The following ZCCHC24 variants were observed in gnomAD, a reference collection of about 807,000 sequenced individuals.
ZCCHC24 encodes zinc finger CCHC domain-containing protein 24.
Under a neutral mutation model 26.2 loss-of-function variants are expected in ZCCHC24, and 10 were observed. The observed-to-expected ratio is 0.38, with a 90% CI of 0.24 to 0.65. ZCCHC24 has a LOEUF of 0.65. ZCCHC24 is among the 30% of genes least tolerant of loss of function. The pLI, the probability that ZCCHC24 is intolerant of heterozygous loss-of-function variation, is 0.54. For synonymous variants in ZCCHC24, 144 were observed against 147.1 expected (o/e 0.98, Z 0.15); for missense variants, 243 against 329.1 (o/e 0.74, Z 2.03).
chr10:79,394,757 G>A, intron 2 of ZCCHC24: 13 of 598,706 alleles, frequency 2.2e-5, no homozygotes, highest in Non-Finnish European at 2.7e-5. Context: ...GTCATCAAGG[G>A]CAGCTGGTCT....
intron 2 of ZCCHC24, 174 bp from the exon 3 acceptor site, chr10:79,394,614 G>T: frequency 1.0e-6 from 1 of 985,450 alleles, no homozygotes; most frequent in Non-Finnish European, 1.2e-6. Flanking sequence ...ACGGGAATCC[G>T]AAGGCTGGGA....
At chr10:79,388,380 C>T (rs1856428721) in intron 3 of ZCCHC24, among the ~76,000 whole-genome samples, 1 of 152,196 alleles carries the variant, frequency 6.6e-6, no homozygotes, top group South Asian at 2.1e-4. Flanking sequence ...TCCAACAGCT[C>T]CTCCATCTGG....
At chr10:79,387,439 G>A (rs1359322533) in intron 3 of ZCCHC24, among the ~76,000 whole-genome samples, 6 of 152,330 alleles carry the variant, frequency 3.9e-5, no homozygotes, top group Non-Finnish European at 8.8e-5. Flanking sequence ...CAAAGCTGGC[G>A]AAGACTTGTT....
chr10:79,415,704 C>T (rs1018054825), intron 2 of ZCCHC24, among the ~76,000 whole-genome samples: 1 of 152,170 alleles, frequency 6.6e-6, no homozygotes. Flanking sequence ...CAAATGGTCT[C>T]ATCAGAGGTT....
chr10:79,403,946 T>C (rs1317038030), intron 2 of ZCCHC24, among the ~76,000 whole-genome samples: 1 of 150,010 alleles, frequency 6.7e-6, no homozygotes, highest in East Asian at 2.0e-4. Context: ...GACAGAGAGA[T>C]GAGGGAGAGA....
chr10:79,428,538 A>C, intron 2 of ZCCHC24, among the ~76,000 whole-genome samples: 2 of 152,148 alleles, frequency 1.3e-5, no homozygotes, highest in African/African-American at 4.8e-5. Context: ...CAACGATGTG[A>C]ATGTATTTAA....
chr10:79,429,553 C>T (rs1434749992), intron 2 of ZCCHC24, among the ~76,000 whole-genome samples: 5 of 152,004 alleles, frequency 3.3e-5, no homozygotes, highest in Non-Finnish European at 5.9e-5. Flanking sequence ...TGCACTCCAG[C>T]CTGGGCAACA....
chr10:79,443,986 G>C, intron 1 of ZCCHC24: 2 of 1,295,488 alleles, frequency 1.5e-6, no homozygotes, highest in Non-Finnish European at 2.0e-6. Flanking sequence ...AGTAAATAAT[G>C]GCAGAGTTGA....
chr10:79,409,938 G>A (rs928244348), intron 2 of ZCCHC24, among the ~76,000 whole-genome samples: 3 of 152,176 alleles, frequency 2.0e-5, no homozygotes, highest in African/African-American at 7.2e-5. Flanking sequence ...GGGAGGAGGC[G>A]GGAGAAGGGA....
chr10:79,435,437 C>T (rs1857202528), intron 1 of ZCCHC24, among the ~76,000 whole-genome samples: 1 of 152,162 alleles, frequency 6.6e-6, no homozygotes, highest in Non-Finnish European at 1.5e-5. Context: ...AGCGGGTGCC[C>T]TCTCCTTGGC....
intron 2 of ZCCHC24, among the ~76,000 whole-genome samples, chr10:79,411,813 G>T (rs1856797862): frequency 6.6e-6 from 1 of 152,060 alleles, no homozygotes; most frequent in Non-Finnish European, 1.5e-5. Context: ...CCCTCCTGGA[G>T]GTGCCATGCT....
intron 1 of ZCCHC24, among the ~76,000 whole-genome samples, chr10:79,441,598 T>C (rs997007246): frequency 1.3e-5 from 2 of 152,048 alleles, no homozygotes; most frequent in Non-Finnish European, 2.9e-5. Flanking sequence ...GTGGGAACTG[T>C]CAAGCTGAAG....
At chr10:79,423,440 A>T (rs551668866) in intron 2 of ZCCHC24, among the ~76,000 whole-genome samples, 22 of 150,312 alleles carry the variant, frequency 1.5e-4, no homozygotes, top group African/African-American at 4.7e-4. Flanking sequence ...AATCCCAGCT[A>T]CTCGGGAGGC....
intron 1 of ZCCHC24, among the ~76,000 whole-genome samples, chr10:79,435,225 A>AT (rs1227299279): frequency 7.2e-6 from 1 of 138,690 alleles, no homozygotes; most frequent in Middle Eastern, 3.5e-3. Context: ...TTTTATTTTT[A>AT]TTTTTTTTCC....
At chr10:79,415,354 C>T (rs941871) in intron 2 of ZCCHC24, among the ~76,000 whole-genome samples, 145,717 of 152,252 alleles carry the variant, frequency 0.96, 69,757 homozygotes, top group East Asian at 1. Flanking sequence ...CAGGGCAGGA[C>T]GGTGGGCAGA....
intron 2 of ZCCHC24, among the ~76,000 whole-genome samples, chr10:79,427,039 T>C (rs1857037478): frequency 6.6e-6 from 1 of 151,874 alleles, no homozygotes; most frequent in South Asian, 2.1e-4. Flanking sequence ...AAGCTAGGTA[T>C]ACTAATATCA....
At chr10:79,394,139 C>T in intron 3 of ZCCHC24, 137 bp downstream of exon 3, 2 of 1,243,370 alleles carry the variant, frequency 1.6e-6, no homozygotes, top group Non-Finnish European at 2.2e-6. Context: ...CCCTTCCCTC[C>T]CATTTCAGAT....
At chr10:79,405,656 CT>C (rs2132189194) in intron 2 of ZCCHC24, among the ~76,000 whole-genome samples, 1 of 152,362 alleles carries the variant, frequency 6.6e-6, no homozygotes, top group East Asian at 1.9e-4. Flanking sequence ...CCAGCCCAGC[CT>C]TCCCTGGCTG....
chr10:79,398,095 G>A (rs1340509070), intron 2 of ZCCHC24, among the ~76,000 whole-genome samples: 2 of 152,200 alleles, frequency 1.3e-5, no homozygotes, highest in African/African-American at 2.4e-5. Context: ...AAGGGATGGG[G>A]CCCCAGCCTC....
Sources: allele counts gnomAD v4.1 joint callset (sites outside exome capture counted in the v4.1 genomes callset), GRCh38; gene constraint gnomAD v4.1.1; transcripts MANE v1.5; gene names NCBI Gene and HGNC (gene_info 2026-07-23, HGNC 2026-07-21).